The following OSBPL10 variants were observed in gnomAD, a reference collection of about 807,000 sequenced individuals.
OSBPL10 encodes oxysterol binding protein like 10.
In OSBPL10, 49 loss-of-function variants were observed where a neutral mutation model predicts 81.7. That is an observed-to-expected ratio of 0.60 (90% CI 0.48 to 0.76). The LOEUF is 0.76. OSBPL10 is among the 30% of genes least tolerant of loss of function. The pLI, the probability that OSBPL10 is intolerant of heterozygous loss-of-function variation, is 0.00. For synonymous variants in OSBPL10, 419 were observed against 383.6 expected (o/e 1.09, Z -1.08); for missense variants, 923 against 987.8 (o/e 0.93, Z 0.88).
intron 5 of OSBPL10, among the ~76,000 whole-genome samples, chr3:31,746,165 A>C (rs1374753494): frequency 1.3e-5 from 2 of 152,186 alleles, no homozygotes; most frequent in African/African-American, 4.8e-5. Context: ...AGGCATCTCA[A>C]AGGAATGCAT....
chr3:31,907,619 C>CAAAAAAAAAAAAAAAAAAA (rs142840420), intron 1 of OSBPL10, among the ~76,000 whole-genome samples: 2 of 63,862 alleles, frequency 3.1e-5, no homozygotes, highest in African/African-American at 1.4e-4. Flanking sequence ...ACCTCCATCT[C>CAAAAAAAAAAAAAAAAAAA]AAAAAAAAAA....
chr3:31,828,494 A>G (rs1700152019), intron 4 of OSBPL10, among the ~76,000 whole-genome samples: 1 of 152,192 alleles, frequency 6.6e-6, no homozygotes, highest in Admixed American at 6.5e-5. Flanking sequence ...ATCATTCATC[A>G]TATCAACTAA....
chr3:31,666,702 T>C (rs1700198527), intron 10 of OSBPL10, among the ~76,000 whole-genome samples: 1 of 152,232 alleles, frequency 6.6e-6, no homozygotes. Context: ...CAAACCTATA[T>C]ATACTATGTT....
In OSBPL10 at chr3:31,990,907, A is replaced by G. The variant is rs769817819; in HGVS notation, n.298+55584T>C. ...AGCCTTTACTTCACATTCACATCGC[A>G]TTAGACATCAGAGAATCCATACCGG... On this transcript the variant is annotated intron_variant and non_coding_transcript_variant, in intron 2 of 3. Transcript: ENST00000479173. The G allele has an allele frequency of 4.9e-5, 77 of 1,574,406 alleles. No individual in the cohort carries two copies. In the South Asian group the frequency reaches 6.8e-4, roughly 14 times the overall value.
intron 10 of OSBPL10, among the ~76,000 whole-genome samples, chr3:31,666,641 G>C (rs1252652407): frequency 1.3e-5 from 2 of 152,080 alleles, no homozygotes; most frequent in East Asian, 1.9e-4. Context: ...TTTACCTATG[G>C]AGGATACATT....
chr3:31,933,439 C>G (rs149234285), intron 1 of OSBPL10, among the ~76,000 whole-genome samples: 21 of 151,462 alleles, frequency 1.4e-4, no homozygotes, highest in African/African-American at 5.1e-4. Flanking sequence ...GGGTCTCTTG[C>G]TGTTGCCCAG....
chr3:31,708,801 T>C, intron 6 of OSBPL10: 1 of 985,444 alleles, frequency 1.0e-6, no homozygotes, highest in South Asian at 4.7e-5. Context: ...AAGTAGGCCA[T>C]CTTTGTTGGG....
chr3:31,717,758 G>A (rs971549115), intron 6 of OSBPL10, among the ~76,000 whole-genome samples: 11 of 152,192 alleles, frequency 7.2e-5, no homozygotes, highest in Non-Finnish European at 1.6e-4. Flanking sequence ...ATGTAAGAGG[G>A]TAATTGCAGC....
At chr3:32,030,518 G>A (rs1486804938) in intron 2 of OSBPL10, 3 of 732,150 alleles carry the variant, frequency 4.1e-6, no homozygotes, top group Admixed American at 1.8e-5. Flanking sequence ...TTCCTAAAAT[G>A]CGTGAAGGAA....
At chr3:31,846,839 C>T (rs1008069359) in intron 3 of OSBPL10, among the ~76,000 whole-genome samples, 1 of 152,022 alleles carries the variant, frequency 6.6e-6, no homozygotes, top group Non-Finnish European at 1.5e-5. Flanking sequence ...AAAAACCATG[C>T]GAATTTTCCT....
At chr3:31,872,458 T>TG (rs1559500218) in intron 3 of OSBPL10, among the ~76,000 whole-genome samples, 2 of 151,802 alleles carry the variant, frequency 1.3e-5, no homozygotes, top group African/African-American at 4.8e-5. Context: ...TGTTGTTTTT[T>TG]TTTTTTTTTT....
At chr3:31,852,021 A>G (rs1340843892) in intron 3 of OSBPL10, among the ~76,000 whole-genome samples, 1 of 152,126 alleles carries the variant, frequency 6.6e-6, no homozygotes, top group Admixed American at 6.5e-5. Flanking sequence ...TCTCTTATAC[A>G]CTGAAACACC....
intron 1 of OSBPL10, among the ~76,000 whole-genome samples, chr3:32,070,043 TC>T (rs1197166309): frequency 2.6e-5 from 4 of 152,190 alleles, no homozygotes; most frequent in Non-Finnish European, 5.9e-5. Flanking sequence ...GCTGACTCCT[TC>T]CCAGATCTCC....
At chr3:31,788,838 C>A (rs1355424439) in intron 4 of OSBPL10, among the ~76,000 whole-genome samples, 1 of 151,950 alleles carries the variant, frequency 6.6e-6, no homozygotes, top group African/African-American at 2.4e-5. Context: ...ATTATATAGA[C>A]ATTGTAGGAA....
At position 31,817,794 on chromosome 3, in the gene OSBPL10, G is replaced by C. The variant is rs542833345; in HGVS notation, c.729+12246C>G. Among the ~76,000 whole-genome samples, 3 of 152,324 alleles carry C rather than the reference G, an allele frequency of 2.0e-5. No individual in the cohort carries two copies. In the South Asian group the frequency reaches 6.2e-4, roughly 32 times the overall value. On this transcript the variant is annotated intron_variant, in intron 4 of 11. Transcript: ENST00000396556. ...GGGCGGGGCTCCCACCAGCTCCATG[G>C]AGTGTGCAGCCCCAGTCAAGCCTCC...
At chr3:31,917,557 C>G (rs1472047337) in intron 1 of OSBPL10, among the ~76,000 whole-genome samples, 1 of 131,150 alleles carries the variant, frequency 7.6e-6, no homozygotes, top group Non-Finnish European at 1.6e-5. Flanking sequence ...AAGCAACCAG[C>G]TTTTGAGAGT....
intron 6 of OSBPL10, chr3:31,721,474 G>C (rs1696643002): frequency 6.6e-6 from 1 of 152,110 alleles, no homozygotes; most frequent in Non-Finnish European, 1.5e-5. Context: ...ACTGACCTGG[G>C]GCCGCACCAG....
chr3:31,742,269 G>A (rs1463110947), intron 5 of OSBPL10, among the ~76,000 whole-genome samples: 4 of 152,156 alleles, frequency 2.6e-5, no homozygotes, highest in Non-Finnish European at 5.9e-5. Flanking sequence ...AAGGAAGAAG[G>A]CAAACAGCCA....
intron 3 of OSBPL10, among the ~76,000 whole-genome samples, chr3:31,857,826 GA>G (rs1559494261): frequency 8.9e-5 from 7 of 78,558 alleles, no homozygotes; most frequent in African/African-American, 1.1e-4. Context: ...AAGGGAGAGG[GA>G]GAGGGAGAGG....
Sources: gnomAD v4.1 joint callset for allele counts (sites outside exome capture counted in the v4.1 genomes callset) on GRCh38, gnomAD v4.1.1 for gene constraint, MANE v1.5 for transcripts, NCBI Gene and HGNC (gene_info 2026-07-23, HGNC 2026-07-21) for gene names.